Variants in SNX15 observed in about 807,000 individuals in gnomAD.
SNX15 encodes the protein sorting nexin 15.
A neutral mutation model predicts 35.2 loss-of-function variants in SNX15; 29 were observed. That is an observed-to-expected ratio of 0.82 (90% CI 0.61 to 1.12). The LOEUF is 1.12. Ranked by LOEUF, SNX15 falls within the 50% of genes most tolerant of loss-of-function variation. SNX15 has a pLI of 0.00. For missense variants in SNX15, 400 were observed against 451.5 expected, an observed-to-expected ratio of 0.89 and a Z score of 1.03; for synonymous variants, 189 against 188.2, an observed-to-expected ratio of 1.00 and a Z score of -0.03.
Position 65,027,480 on chromosome 11 carries a change from G to A in SNX15, c.-58G>A. On this transcript the variant is annotated 5_prime_UTR_variant, in exon 1 of 8. Transcript: ENST00000377244. ...GGCGGCGGGCGGAGGCTGGGCCGGA[G>A]GGGTGGGGACGGCGAGGAGGTGGAG... is the stretch of plus-strand genomic sequence containing the variant. 1 of 1,392,352 alleles carries A rather than the reference G, an allele frequency of 7.2e-7. No individual in the cohort carries two copies. Among genetic ancestry groups the A allele is most frequent in the African/African-American group, 1.4e-5 (1 of 70,452 alleles). The allele number at this position is 1,392,352 out of a possible 1,614,324, so 86.2% of individuals were successfully genotyped here.
intron 1 of SNX15, among the ~76,000 whole-genome samples, chr11:65,031,610 G>T (rs1023363024): frequency 1.3e-5 from 2 of 152,172 alleles, no homozygotes; most frequent in African/African-American, 4.8e-5. Flanking sequence ...AAGGAACTGG[G>T]ATAAAAATTG....
intron 6 of SNX15, chr11:65,036,327 T>C (rs1291331373): frequency 2.6e-5 from 4 of 152,298 alleles, no homozygotes; most frequent in Admixed American, 2.6e-4. Context: ...GCAGGAAGAT[T>C]GCTTGAGCCC....
At chr11:65,034,562 G>A (rs985000807) in intron 3 of SNX15, among the ~76,000 whole-genome samples, 1 of 152,230 alleles carries the variant, frequency 6.6e-6, no homozygotes, top group African/African-American at 2.4e-5. Flanking sequence ...GGTAGGATAT[G>A]ATATTCACAA....
intron 1 of SNX15, among the ~76,000 whole-genome samples, chr11:65,030,542 A>G (rs1407683549): frequency 7.1e-6 from 1 of 141,652 alleles, no homozygotes; most frequent in Non-Finnish European, 1.5e-5. Flanking sequence ...CTGTGTTGCC[A>G]GGCTGGAGTG....
chr11:65,039,443 C>T (rs962110478), intron 7 of SNX15, among the ~76,000 whole-genome samples: 3 of 151,918 alleles, frequency 2.0e-5, no homozygotes, highest in Non-Finnish European at 4.4e-5. Flanking sequence ...AGGCTGGTCT[C>T]GAACCCCTGA....
intron 1 of SNX15, among the ~76,000 whole-genome samples, chr11:65,028,092 T>C (rs897552597): frequency 6.6e-6 from 1 of 152,208 alleles, no homozygotes; most frequent in African/African-American, 2.4e-5. Flanking sequence ...AAAAAATTGA[T>C]GCAGTTCAGA....
intron 6 of SNX15, 199 bp from the exon 7 acceptor site, chr11:65,038,373 C>A: frequency 8.8e-7 from 1 of 1,137,384 alleles, no homozygotes; most frequent in Non-Finnish European, 1.1e-6. Flanking sequence ...GCTGTTTTTA[C>A]AGAAGCACAT....
At position 65,034,914 on chromosome 11, in the gene SNX15, G is replaced by A; in HGVS notation, c.324G>A (p.Val108=). 6.2e-7 allele frequency: 1 copy of A among 1,614,084 alleles called. No homozygotes were observed. Among genetic ancestry groups the A allele is most frequent in the Non-Finnish European group, 8.5e-7 (1 of 1,179,984 alleles). Residue 108 remains valine (V), a synonymous_variant, in exon 4 of 8, where the codon GTG becomes GTA. Transcript: ENST00000377244. ...KGAEDLLRFT[V]HIPALNNSPQ... The stretch of plus-strand genomic sequence containing the variant: ...CAGAGGACCTGCTTCGCTTCACTGT[G>A]CACATACCTGCGCTCAACAACAGCC...
intron 1 of SNX15, among the ~76,000 whole-genome samples, chr11:65,029,797 G>A (rs1461080112): frequency 6.6e-6 from 1 of 151,774 alleles, no homozygotes; most frequent in South Asian, 2.1e-4. Flanking sequence ...GGCTGGTCTC[G>A]AACTCCTGAC....
chr11:65,035,245 T>A, intron 5 of SNX15, 39 bp downstream of exon 5: 1 of 1,512,434 alleles, frequency 6.6e-7, no homozygotes, highest in Non-Finnish European at 8.8e-7. Context: ...GGCTGGAGGG[T>A]GCAGAGTGGG....
At chr11:65,039,646 TGGTGCCCA>T in intron 7 of SNX15, 32 bp from the exon 8 acceptor site, 2 of 1,388,390 alleles carry the variant, frequency 1.4e-6, no homozygotes, top group Non-Finnish European at 2.0e-6. Context: ...ACCAGGCCAG[TGGTGCCCA>T]GGTGCCTCAG....
At chr11:65,032,620 G>C (rs1420168497) in intron 3 of SNX15, 69 bp downstream of exon 3, 5 of 1,593,972 alleles carry the variant, frequency 3.1e-6, no homozygotes, top group Non-Finnish European at 4.3e-6. Context: ...ACCTCCGCCA[G>C]TGGGGGCTGG....
intron 1 of SNX15, 59 bp downstream of exon 1, chr11:65,027,695 C>G (rs1946388425): frequency 9.1e-6 from 12 of 1,316,674 alleles, no homozygotes; most frequent in Non-Finnish European, 1.3e-5. Flanking sequence ...CGAGTTTTAC[C>G]TTAAGGAAAG....
chr11:65,038,488 T>C, intron 6 of SNX15, 84 bp from the exon 7 acceptor site: 2 of 1,475,314 alleles, frequency 1.4e-6, no homozygotes, highest in Non-Finnish European at 1.8e-6. Context: ...GATACCCTGA[T>C]GGACAAAAGA....
intron 1 of SNX15, among the ~76,000 whole-genome samples, chr11:65,030,826 C>G (rs975688406): frequency 6.6e-6 from 1 of 151,924 alleles, no homozygotes; most frequent in Non-Finnish European, 1.5e-5. Flanking sequence ...TAAATAGTTT[C>G]TTTTACCAGA....
chr11:65,036,759 C>G (rs995653101), intron 6 of SNX15: 3 of 145,568 alleles, frequency 2.1e-5, no homozygotes, highest in Non-Finnish European at 4.5e-5. Context: ...CTCCCACCTC[C>G]GCCTCCCGGA....
Position 65,029,616 on chromosome 11 carries a change from G to A in SNX15, c.99+1980G>A, listed in dbSNP as rs368720515. ...TTTTGAGACGGAGTCTTGCTCTGTC[G>A]CCCAGGCTGGAGTACAGTGGTGTGA... On this transcript the variant is annotated intron_variant, in intron 1 of 7. Transcript: ENST00000377244. Among the ~76,000 whole-genome samples, 21 of 150,190 alleles carry A rather than the reference G, an allele frequency of 1.4e-4. No individual in the cohort carries two copies. In the East Asian group the frequency reaches 3.0e-3, roughly 21 times the overall value.
rs1341786820 is a variant in SNX15, at chr11:65,039,780, A to G, written c.1017A>G (p.Gln339=). ...AGATCCTGCGCCTGCACCTGTCTCAACTCCCACCCTAACAGGGAGTGGGCC... is the reference window on the plus strand; with the variant it reads ...AGATCCTGCGCCTGCACCTGTCTCAGCTCCCACCCTAACAGGGAGTGGGCC... ...AEEILRLHLS[Q]LPP is the part of the protein sequence containing the mutation. Residue 339 remains glutamine (Q), a synonymous_variant, in exon 8 of 8, where the codon CAA becomes CAG. Transcript: ENST00000377244. 2 of 1,610,300 alleles carry G rather than the reference A, an allele frequency of 1.2e-6. No individual in the cohort carries two copies. The highest frequency in any genetic ancestry group is 1.1e-5 in the South Asian group (1 of 90,460).
chr11:65,029,504 T>G (rs1946416742), intron 1 of SNX15, among the ~76,000 whole-genome samples: 1 of 149,166 alleles, frequency 6.7e-6, no homozygotes, highest in Non-Finnish European at 1.5e-5. Flanking sequence ...TGATATATTT[T>G]TATACATATT....
Sources: gnomAD v4.1 joint callset for allele counts (sites outside exome capture counted in the v4.1 genomes callset) on GRCh38, gnomAD v4.1.1 for gene constraint, MANE v1.5 for transcripts, NCBI Gene and HGNC (gene_info 2026-07-23, HGNC 2026-07-21) for gene names.